SAXO5: variants seen among roughly 807,000 people sequenced by gnomAD.
SAXO5 encodes the protein testis expressed 45.
the SAXO5 span, among the ~76,000 whole-genome samples, chr19:7,502,430 A>G: frequency 6.6e-6 from 1 of 152,162 alleles, no homozygotes; most frequent in Non-Finnish European, 1.5e-5. Context: ...AAAAATTTAA[A>G]AAGATGGGCA....
At chr19:7,506,867 C>G in the SAXO5 span, 1 of 578,966 alleles carries the variant, frequency 1.7e-6, no homozygotes, top group Non-Finnish European at 3.1e-6. Context: ...CCAGCTCCTC[C>G]CCCTTCCTCT....
At chr19:7,508,405 T>A in the SAXO5 span, 2 of 1,612,050 alleles carry the variant, frequency 1.2e-6, no homozygotes, top group Non-Finnish European at 1.7e-6. Flanking sequence ...CAGCCCCCTA[T>A]GTACCTGTGC....
At chr19:7,500,743 A>T in the SAXO5 span, 24 of 1,284,268 alleles carry the variant, frequency 1.9e-5, no homozygotes, top group Non-Finnish European at 2.4e-5. Flanking sequence ...AGTCAAAAGC[A>T]GGAGTCAAAG....
the SAXO5 span, among the ~76,000 whole-genome samples, chr19:7,500,216 T>C: frequency 1.3e-5 from 2 of 152,128 alleles, no homozygotes; most frequent in African/African-American, 4.8e-5. Context: ...TCCCCACCCC[T>C]GCTGGCCTCC....
At chr19:7,506,705 C>T in the SAXO5 span, 1 of 369,024 alleles carries the variant, frequency 2.7e-6, no homozygotes, top group South Asian at 2.4e-5. Flanking sequence ...GCTCCTCCCC[C>T]TTTCTCTGGC....
chr19:7,502,121 AT>A, the SAXO5 span, among the ~76,000 whole-genome samples: 1 of 152,040 alleles, frequency 6.6e-6, no homozygotes, highest in African/African-American at 2.4e-5. Flanking sequence ...ATGTGTATAT[AT>A]TTTTTTGAGA....
At chr19:7,508,320 C>A in the SAXO5 span, 1 of 1,614,044 alleles carries the variant, frequency 6.2e-7, no homozygotes, top group Non-Finnish European at 8.5e-7. Context: ...ACTGAAAAAT[C>A]CTCAGGAGGG....
the SAXO5 span, chr19:7,506,350 C>T: frequency 4.4e-6 from 3 of 676,308 alleles, no homozygotes; most frequent in African/African-American, 1.8e-5. Context: ...CCAGCCCTCC[C>T]CTCCCCCGGC....
At chr19:7,501,281 C>A in the SAXO5 span, 1 of 1,573,864 alleles carries the variant, frequency 6.4e-7, no homozygotes, top group Non-Finnish European at 8.5e-7. Context: ...TCATCTTCGA[C>A]CGCGACTCCC....
At chr19:7,501,966 G>A in the SAXO5 span, among the ~76,000 whole-genome samples, 1 of 152,004 alleles carries the variant, frequency 6.6e-6, no homozygotes, top group African/African-American at 2.4e-5. Flanking sequence ...GAGGCCACCC[G>A]CGGTGGCTCA....
At chr19:7,504,601 G>T in the SAXO5 span, among the ~76,000 whole-genome samples, 6,027 of 152,014 alleles carry the variant, frequency 0.04, 352 homozygotes, top group African/African-American at 0.13. Context: ...AGTTACTCCG[G>T]AGGCTGAGGC....
chr19:7,504,990 T>TCGG, the SAXO5 span, among the ~76,000 whole-genome samples: 1 of 87,944 alleles, frequency 1.1e-5, no homozygotes, highest in Non-Finnish European at 2.9e-5. Context: ...TTTTTTTTCT[T>TCGG]TTTTTTTTTT....
At chr19:7,506,988 C>A in the SAXO5 span, 1 of 1,356,240 alleles carries the variant, frequency 7.4e-7, no homozygotes, top group Non-Finnish European at 1.1e-6. Context: ...TTCCCTTGAA[C>A]TTCACCACAC....
chr19:7,499,390 G>A, the SAXO5 span, among the ~76,000 whole-genome samples: 3 of 147,826 alleles, frequency 2.0e-5, no homozygotes, highest in African/African-American at 7.5e-5. Context: ...GGGCGGGGGA[G>A]GGGGAGAGAA....
At chr19:7,506,883 C>T in the SAXO5 span, 4 of 564,934 alleles carry the variant, frequency 7.1e-6, no homozygotes, top group African/African-American at 3.8e-5. Flanking sequence ...CCTCTGGCTT[C>T]TCCCTCCTTC....
chr19:7,505,494 T>C, the SAXO5 span: 8 of 1,614,006 alleles, frequency 5.0e-6, no homozygotes, highest in South Asian at 8.8e-5. Flanking sequence ...AGGGCAGCTC[T>C]GCACCTGTTC....
the SAXO5 span, chr19:7,505,749 T>C: frequency 9.5e-7 from 1 of 1,052,440 alleles, no homozygotes; most frequent in Admixed American, 2.2e-5. Context: ...TGGATGTACT[T>C]GAGTGATCTA....
At chr19:7,506,458 C>T in the SAXO5 span, 1 of 478,416 alleles carries the variant, frequency 2.1e-6, no homozygotes, top group Non-Finnish European at 3.9e-6. Context: ...CTCTCCCCTT[C>T]ATAACTCCAT....
Sources: gnomAD v4.1 joint callset for allele counts (sites outside exome capture counted in the v4.1 genomes callset) on GRCh38, gnomAD v4.1.1 for gene constraint, MANE v1.5 for transcripts, NCBI Gene and HGNC (gene_info 2026-07-23, HGNC 2026-07-21) for gene names.